Variants in PSAT1 observed in about 807,000 individuals in gnomAD.
PSAT1 encodes the protein phosphoserine aminotransferase.
In PSAT1, 41 loss-of-function variants were observed where a neutral mutation model predicts 40.3. The ratio of observed to expected loss-of-function variants is 1.02; its 90% CI spans 0.79 to 1.32. The LOEUF is 1.32. Among genes scored for constraint, PSAT1 ranks in the 40% most tolerant of loss-of-function variants. PSAT1 has a pLI of 0.00. For synonymous variants in PSAT1, 147 were observed against 170.5 expected, an observed-to-expected ratio of 0.86 and a Z score of 1.07; for missense variants, 406 against 455.8, an observed-to-expected ratio of 0.89 and a Z score of 0.99.
intron 3 of PSAT1, among the ~76,000 whole-genome samples, chr9:78,302,859 T>C (rs373692419): frequency 6.6e-6 from 1 of 152,234 alleles, no homozygotes; most frequent in African/African-American, 2.4e-5. Context: ...TTCTGAACTG[T>C]AGGAACTACT....
chr9:78,319,488 A>G (rs1828396459), intron 7 of PSAT1, among the ~76,000 whole-genome samples: 1 of 152,250 alleles, frequency 6.6e-6, no homozygotes, highest in African/African-American at 2.4e-5. Flanking sequence ...CAGAGAAGCA[A>G]GTGCAGGCTG....
chr9:78,313,352 A>C (rs1312649310), intron 6 of PSAT1, among the ~76,000 whole-genome samples: 2 of 152,140 alleles, frequency 1.3e-5, no homozygotes, highest in Non-Finnish European at 2.9e-5. Context: ...GTGACAGCAA[A>C]ACTCTGCCTC....
intron 6 of PSAT1, among the ~76,000 whole-genome samples, chr9:78,312,357 A>C (rs1828280530): frequency 2.0e-5 from 3 of 152,348 alleles, no homozygotes; most frequent in Admixed American, 6.5e-5. Flanking sequence ...GTAACTAATA[A>C]AAATACAAAA....
At chr9:78,328,357 C>G (rs1461461854) in intron 8 of PSAT1, among the ~76,000 whole-genome samples, 169 bp downstream of exon 8, 1 of 152,122 alleles carries the variant, frequency 6.6e-6, no homozygotes, top group South Asian at 2.1e-4. Flanking sequence ...TTTATGGAAC[C>G]CTTTGCATAA....
At chr9:78,316,218 C>A (rs926014941) in intron 6 of PSAT1, among the ~76,000 whole-genome samples, 1 of 152,160 alleles carries the variant, frequency 6.6e-6, no homozygotes, top group Non-Finnish European at 1.5e-5. Context: ...CGTGCCAGGC[C>A]CTGTGCTAAG....
At position 78,329,050 on chromosome 9, in the gene PSAT1, C is replaced by T. The variant is rs1179019642; in HGVS notation, c.1077C>T (p.Ala359=). The change falls in exon 9 of 9, where the codon GCC becomes GCT. Residue 359 remains alanine (A), a synonymous_variant. Transcript: ENST00000376588. ...VTIEDVQKLA[A]FMKKFLEMHQ... Reference sequence around the variant, plus strand: ...TTGAAGACGTTCAGAAGCTGGCCGCCTTCATGAAAAAATTTTTGGAGATGC... The same window carrying T: ...TTGAAGACGTTCAGAAGCTGGCCGCTTTCATGAAAAAATTTTTGGAGATGC... 1.9e-6 allele frequency: 3 copies of T among 1,612,736 alleles called. No homozygotes were observed. Among genetic ancestry groups the T allele is most frequent in the Non-Finnish European group, 2.5e-6 (3 of 1,179,844 alleles).
At chr9:78,320,574 T>C (rs1828414681) in intron 7 of PSAT1, among the ~76,000 whole-genome samples, 1 of 144,704 alleles carries the variant, frequency 6.9e-6, no homozygotes, top group Non-Finnish European at 1.5e-5. Context: ...CTTCCACCTA[T>C]CCGCCCATCT....
intron 7 of PSAT1, among the ~76,000 whole-genome samples, chr9:78,325,377 T>C (rs953813): frequency 0.042 from 6,350 of 152,324 alleles, 440 homozygotes; most frequent in African/African-American, 0.14. Context: ...TTACTCCTCA[T>C]TGCTCAAGGA....
At chr9:78,313,709 A>G (rs138079326) in intron 6 of PSAT1, among the ~76,000 whole-genome samples, 2 of 152,172 alleles carry the variant, frequency 1.3e-5, no homozygotes, top group African/African-American at 4.8e-5. Context: ...CAGCAGTGTG[A>G]TGATAGCTCT....
intron 2 of PSAT1, 37 bp from the exon 3 acceptor site, chr9:78,301,917 G>C (rs746878670): frequency 8.6e-6 from 13 of 1,510,916 alleles, no homozygotes; most frequent in Non-Finnish European, 1.2e-5. Context: ...TTTTGAGCTG[G>C]AATATTTGTT....
At chr9:78,298,215 A>T (rs1828056070) in intron 1 of PSAT1, 1 of 965,418 alleles carries the variant, frequency 1.0e-6, no homozygotes, top group Admixed American at 6.2e-5. Flanking sequence ...AAGAAGGCAA[A>T]GTCTCCGATG....
At chr9:78,300,710 C>CTTTTTT (rs753207413) in intron 2 of PSAT1, 48 bp downstream of exon 2, 24 of 1,107,724 alleles carry the variant, frequency 2.2e-5, no homozygotes, top group African/African-American at 1.4e-4. Flanking sequence ...TCAAAGGAAG[C>CTTTTTT]TTTTTTTTTT....
intron 7 of PSAT1, among the ~76,000 whole-genome samples, chr9:78,324,208 C>T (rs1032065537): frequency 1.3e-5 from 2 of 152,142 alleles, no homozygotes; most frequent in South Asian, 2.1e-4. Context: ...TCCTCATTTA[C>T]GTGGTCGGTG....
chr9:78,307,650 T>C (rs1828204454), intron 5 of PSAT1, among the ~76,000 whole-genome samples: 1 of 152,178 alleles, frequency 6.6e-6, no homozygotes, highest in African/African-American at 2.4e-5. Context: ...TATAATTTCT[T>C]CTCCCTCAGG....
chr9:78,304,150 T>C (rs1310089479), intron 3 of PSAT1, among the ~76,000 whole-genome samples: 1 of 152,208 alleles, frequency 6.6e-6, no homozygotes, highest in Non-Finnish European at 1.5e-5. Flanking sequence ...AAAAGAAATG[T>C]ATTATCTCAC....
intron 1 of PSAT1, among the ~76,000 whole-genome samples, chr9:78,299,144 CAAAAAAAAAAAAA>C (rs71360679): frequency 3.4e-5 from 3 of 87,288 alleles, no homozygotes; most frequent in South Asian, 4.3e-4. Flanking sequence ...TGTCTCTTAA[CAAAAAAAAAAAAA>C]AAAAAAAAAA....
chr9:78,328,139 TTTC>T lies in PSAT1; in HGVS notation c.961_963del (p.Leu321del). 1.2e-6 allele frequency: 2 copies of T among 1,613,448 alleles called. No homozygotes were observed. The highest frequency in any genetic ancestry group is 1.7e-6 in the Non-Finnish European group (2 of 1,179,968). On this transcript the variant is annotated inframe_deletion, in exon 8 of 9. Transcript: ENST00000376588. Reference sequence around the variant, plus strand: ...AGGAGATGATGCTTTAGAAAAAAGATTTCTTGATAAAGCTCTTGAACTCAATAT... The same window carrying T: ...AGGAGATGATGCTTTAGAAAAAAGATTTGATAAAGCTCTTGAACTCAATAT...
At chr9:78,322,691 A>T (rs1447790768) in intron 7 of PSAT1, among the ~76,000 whole-genome samples, 1 of 152,228 alleles carries the variant, frequency 6.6e-6, no homozygotes, top group Non-Finnish European at 1.5e-5. Flanking sequence ...ATGAAAAAGG[A>T]TAAGGAAATA....
intron 6 of PSAT1, among the ~76,000 whole-genome samples, chr9:78,309,080 T>TC (rs1427696728): frequency 6.6e-6 from 1 of 152,250 alleles, no homozygotes; most frequent in Non-Finnish European, 1.5e-5. Context: ...AGCTCACCTC[T>TC]CCCTCTGCAC....
Sources: allele counts gnomAD v4.1 joint callset (sites outside exome capture counted in the v4.1 genomes callset), GRCh38; gene constraint gnomAD v4.1.1; transcripts MANE v1.5; gene names NCBI Gene and HGNC (gene_info 2026-07-23, HGNC 2026-07-21).